MICU1: variants seen among roughly 807,000 people sequenced by gnomAD.
MICU1 encodes mitochondrial calcium uptake 1, also known as calcium uptake protein 1, mitochondrial.
In MICU1, 45 loss-of-function variants were observed where a neutral mutation model predicts 56.8. The ratio of observed to expected loss-of-function variants is 0.79; its 90% CI spans 0.62 to 1.02. MICU1 has a LOEUF of 1.02. Among genes scored for constraint, MICU1 ranks in the 50% least tolerant of loss-of-function variants. The pLI is 0.00. For missense variants in MICU1, 504 were observed against 587.1 expected (o/e 0.86, Z 1.46); for synonymous variants, 186 against 195.1 (o/e 0.95, Z 0.39).
chr10:72,444,850 A>G (rs556528378), intron 8 of MICU1, among the ~76,000 whole-genome samples: 1 of 152,330 alleles, frequency 6.6e-6, no homozygotes, highest in South Asian at 2.1e-4. Flanking sequence ...CTGCTTCGTT[A>G]GAAAGTCACC....
intron 8 of MICU1, among the ~76,000 whole-genome samples, chr10:72,449,779 C>T (rs896229751): frequency 6.6e-6 from 1 of 151,992 alleles, no homozygotes; most frequent in Non-Finnish European, 1.5e-5. Context: ...ATCTCTAGAT[C>T]GAACTTCACA....
intron 5 of MICU1, among the ~76,000 whole-genome samples, chr10:72,518,899 T>C (rs1017865231): frequency 6.6e-6 from 1 of 152,194 alleles, no homozygotes; most frequent in African/African-American, 2.4e-5. Context: ...CAGGCTGGTC[T>C]TGAACTCCTG....
At chr10:72,392,555 A>T (rs1162741140) in intron 10 of MICU1, among the ~76,000 whole-genome samples, 2 of 152,190 alleles carry the variant, frequency 1.3e-5, no homozygotes, top group Admixed American at 6.5e-5. Context: ...TGGGTGACAG[A>T]GTGAGACCCT....
At chr10:72,381,613 G>A (rs1479093982) in intron 10 of MICU1, among the ~76,000 whole-genome samples, 1 of 152,020 alleles carries the variant, frequency 6.6e-6, no homozygotes, top group Admixed American at 6.6e-5. Context: ...CCCTATGCCC[G>A]CTGACCCCCT....
At chr10:72,499,417 C>T (rs1266469215) in intron 6 of MICU1, among the ~76,000 whole-genome samples, 2 of 152,096 alleles carry the variant, frequency 1.3e-5, no homozygotes, top group African/African-American at 4.8e-5. Flanking sequence ...TATCATAAAA[C>T]CAATGAATTA....
chr10:72,525,847 T>C (rs565688218), intron 5 of MICU1, among the ~76,000 whole-genome samples: 4 of 152,134 alleles, frequency 2.6e-5, no homozygotes, highest in South Asian at 4.1e-4. Context: ...TACCCATCAG[T>C]TATGTGGGAG....
intron 8 of MICU1, among the ~76,000 whole-genome samples, chr10:72,439,464 G>A (rs1198410337): frequency 6.6e-6 from 1 of 152,148 alleles, no homozygotes; most frequent in East Asian, 1.9e-4. Context: ...GGCAAAGACT[G>A]GAAGCATTCC....
chr10:72,375,769 A>G lies in MICU1; in HGVS notation c.1270+14T>C. The G allele has an allele frequency of 6.2e-7, 1 of 1,608,254 alleles. No homozygotes were observed. ...AGGCTGTTTCCCCTCCGGGCTCCAGAGGGCCCCACTCACCATCACAGTCAA... is the reference window on the plus strand; with the variant it reads ...AGGCTGTTTCCCCTCCGGGCTCCAGGGGGCCCCACTCACCATCACAGTCAA... On this transcript the variant is annotated intron_variant, in intron 11 of 11. Transcript: ENST00000361114.
At chr10:72,429,791 A>AT (rs956267621) in intron 8 of MICU1, among the ~76,000 whole-genome samples, 8 of 152,224 alleles carry the variant, frequency 5.3e-5, no homozygotes, top group African/African-American at 1.9e-4. Context: ...AATCAGTAAC[A>AT]TATCTGAGTG....
chr10:72,504,679 A>G (rs1187453982), intron 6 of MICU1, among the ~76,000 whole-genome samples: 1 of 152,182 alleles, frequency 6.6e-6, no homozygotes, highest in East Asian at 1.9e-4. Context: ...CCATCAACAA[A>G]GTAAACAGAC....
chr10:72,607,180 A>C (rs1043228218), intron 1 of MICU1, among the ~76,000 whole-genome samples: 4 of 150,726 alleles, frequency 2.7e-5, no homozygotes, highest in African/African-American at 9.8e-5. Context: ...GTCTCTTCTA[A>C]AAATACAAAA....
chr10:72,468,127 G>C (rs531761953), intron 8 of MICU1, among the ~76,000 whole-genome samples: 1 of 152,236 alleles, frequency 6.6e-6, no homozygotes, highest in East Asian at 1.9e-4. Context: ...GAGCCATCGT[G>C]CCGGGCCAAA....
chr10:72,513,765 G>A (rs1365177683), intron 5 of MICU1, among the ~76,000 whole-genome samples: 1 of 151,752 alleles, frequency 6.6e-6, no homozygotes, highest in Non-Finnish European at 1.5e-5. Context: ...TTTTGTACGT[G>A]AATATCTAGT....
chr10:72,504,082 C>T (rs963120099), intron 6 of MICU1, among the ~76,000 whole-genome samples: 34 of 152,064 alleles, frequency 2.2e-4, no homozygotes, highest in African/African-American at 7.7e-4. Context: ...AGATTCAATG[C>T]TATTACTAAT....
At chr10:72,495,233 TAAAA>T (rs34238664) in intron 6 of MICU1, among the ~76,000 whole-genome samples, 1 of 145,512 alleles carries the variant, frequency 6.9e-6, no homozygotes, top group Non-Finnish European at 1.5e-5. Context: ...TTCAGAGATC[TAAAA>T]AAAAAAAAAA....
intron 4 of MICU1, among the ~76,000 whole-genome samples, chr10:72,539,572 G>C (rs1321803775): frequency 6.6e-6 from 1 of 151,902 alleles, no homozygotes; most frequent in Non-Finnish European, 1.5e-5. Context: ...TTTTTGCTAT[G>C]GAATATACCA....
At chr10:72,588,365 G>C (rs1440818836) in intron 1 of MICU1, among the ~76,000 whole-genome samples, 1 of 151,382 alleles carries the variant, frequency 6.6e-6, no homozygotes, top group Non-Finnish European at 1.5e-5. Flanking sequence ...GACTAATAGA[G>C]TGTCTCAACT....
intron 1 of MICU1, among the ~76,000 whole-genome samples, chr10:72,587,126 T>C (rs569656874): frequency 6.6e-6 from 1 of 152,238 alleles, no homozygotes; most frequent in African/African-American, 2.4e-5. Context: ...AGAAGAGAAC[T>C]AGCAATAGAG....
intron 1 of MICU1, among the ~76,000 whole-genome samples, chr10:72,617,735 G>C (rs1300364250): frequency 6.6e-6 from 1 of 152,202 alleles, no homozygotes; most frequent in Non-Finnish European, 1.5e-5. Context: ...AGGAGGTTGA[G>C]ATGGAAGGAT....
Sources: allele counts gnomAD v4.1 joint callset (sites outside exome capture counted in the v4.1 genomes callset), GRCh38; gene constraint gnomAD v4.1.1; transcripts MANE v1.5; gene names NCBI Gene and HGNC (gene_info 2026-07-23, HGNC 2026-07-21).